The following TMEM117 variants were observed in gnomAD, a reference collection of about 807,000 sequenced individuals.
The protein encoded by TMEM117 is transmembrane protein 117.
TMEM117 carries 27 observed loss-of-function variants against 52.4 expected under a neutral mutation model. That is an observed-to-expected ratio of 0.51 (90% CI 0.38 to 0.71). The LOEUF (loss-of-function observed/expected upper bound fraction) is 0.71. TMEM117 is among the 30% of genes least tolerant of loss of function. TMEM117 has a pLI of 0.00. For synonymous variants in TMEM117, 215 were observed against 206.3 expected (o/e 1.04, Z -0.36); for missense variants, 556 against 630.5 (o/e 0.88, Z 1.26).
At chr12:44,159,005 G>T (rs1421959369) in intron 4 of TMEM117, among the ~76,000 whole-genome samples, 1 of 152,196 alleles carries the variant, frequency 6.6e-6, no homozygotes, top group Non-Finnish European at 1.5e-5. Flanking sequence ...AGAGACTGGG[G>T]TGATGCATGT....
At chr12:44,082,891 G>A (rs11182414) in intron 3 of TMEM117, among the ~76,000 whole-genome samples, 35 of 152,180 alleles carry the variant, frequency 2.3e-4, no homozygotes, top group East Asian at 5.8e-4. Flanking sequence ...ATATGTATAT[G>A]TGTGGGTGTA....
intron 5 of TMEM117, among the ~76,000 whole-genome samples, chr12:44,295,002 A>T (rs1451043171): frequency 6.6e-6 from 1 of 152,184 alleles, no homozygotes; most frequent in African/African-American, 2.4e-5. Context: ...TCAGAAAAAT[A>T]TTCTCTGGGT....
intron 5 of TMEM117, among the ~76,000 whole-genome samples, chr12:44,247,960 G>A (rs953438518): frequency 6.6e-6 from 1 of 152,208 alleles, no homozygotes; most frequent in Admixed American, 6.5e-5. Context: ...TAGCTTCCAT[G>A]TGGGGCTTGA....
At chr12:44,087,251 G>C (rs776316848) in intron 3 of TMEM117, among the ~76,000 whole-genome samples, 34 of 151,814 alleles carry the variant, frequency 2.2e-4, no homozygotes, top group Admixed American at 1.8e-3. Flanking sequence ...ATCAATATTC[G>C]TATTGCCCTA....
At chr12:43,838,064 GT>G (rs1267249146) in intron 1 of TMEM117, among the ~76,000 whole-genome samples, 1 of 151,890 alleles carries the variant, frequency 6.6e-6, no homozygotes, top group African/African-American at 2.4e-5. Context: ...AGCCCCTGTG[GT>G]CTTTTGTATT....
intron 3 of TMEM117, among the ~76,000 whole-genome samples, chr12:43,945,486 A>C (rs1159819265): frequency 6.6e-6 from 1 of 151,986 alleles, no homozygotes; most frequent in East Asian, 1.9e-4. Context: ...ACACCTGGCT[A>C]ATTTTTGTTA....
chr12:44,271,857 G>A (rs1292036888), intron 5 of TMEM117, among the ~76,000 whole-genome samples: 3 of 151,880 alleles, frequency 2.0e-5, no homozygotes, highest in Non-Finnish European at 4.4e-5. Flanking sequence ...GTTAATATAT[G>A]AAATATATAA....
chr12:44,270,453 G>T (rs564641260), intron 5 of TMEM117, among the ~76,000 whole-genome samples: 1 of 152,216 alleles, frequency 6.6e-6, no homozygotes, highest in East Asian at 1.9e-4. Flanking sequence ...ACTGATTTGT[G>T]TGCATTAATT....
At chr12:44,294,561 T>A (rs4544066) in intron 5 of TMEM117, among the ~76,000 whole-genome samples, 1 of 152,180 alleles carries the variant, frequency 6.6e-6, no homozygotes, top group African/African-American at 2.4e-5. Flanking sequence ...GCATACCATT[T>A]TTTTTCTTTC....
chr12:43,829,220 G>C, the TMEM117 span, among the ~76,000 whole-genome samples: 3 of 152,114 alleles, frequency 2.0e-5, no homozygotes, highest in Non-Finnish European at 2.9e-5. Context: ...GCAATTCTTA[G>C]GGATAGTTTT....
At position 43,863,447 on chromosome 12, in the gene TMEM117, G is replaced by A. The variant is rs563218995; in HGVS notation, c.277+18519G>A. The stretch of plus-strand genomic sequence containing the variant: ...ATGATCTGAATTAGATTTTTAGAGT[G>A]ACTCTTTGAAAAGATCAGACTATTA... On this transcript the variant is annotated intron_variant, in intron 2 of 7. Coordinates refer to ENST00000266534, the MANE Select transcript of TMEM117 (RefSeq NM_032256.3). Among the ~76,000 whole-genome samples, 3 of 152,268 alleles carry A rather than the reference G, an allele frequency of 2.0e-5. No homozygotes were observed. In the South Asian group the frequency reaches 6.2e-4, roughly 32 times the overall value.
At chr12:44,331,857 A>G (rs1278498568) in intron 6 of TMEM117, among the ~76,000 whole-genome samples, 1 of 152,054 alleles carries the variant, frequency 6.6e-6, no homozygotes, top group Non-Finnish European at 1.5e-5. Context: ...TCACAGCAGT[A>G]CTTTGTGACA....
intron 4 of TMEM117, among the ~76,000 whole-genome samples, chr12:44,210,063 C>G (rs941648830): frequency 2.6e-5 from 4 of 152,110 alleles, no homozygotes; most frequent in African/African-American, 9.7e-5. Context: ...GCTTTAAGCA[C>G]AAGAGAAAAA....
chr12:44,037,794 T>C (rs1592462303), intron 3 of TMEM117, among the ~76,000 whole-genome samples: 1 of 151,760 alleles, frequency 6.6e-6, no homozygotes, highest in Non-Finnish European at 1.5e-5. Context: ...TCTGCTGAGA[T>C]TTGGGCAGAC....
At chr12:44,288,976 T>G (rs1316033200) in intron 5 of TMEM117, among the ~76,000 whole-genome samples, 1 of 152,192 alleles carries the variant, frequency 6.6e-6, no homozygotes, top group Non-Finnish European at 1.5e-5. Flanking sequence ...ACCTATTCAC[T>G]TATAACTGAA....
chr12:44,045,644 A>T (rs1592469807), intron 3 of TMEM117, among the ~76,000 whole-genome samples: 1 of 152,060 alleles, frequency 6.6e-6, no homozygotes, highest in Non-Finnish European at 1.5e-5. Context: ...GGAGTTCAAG[A>T]CCAGCCTGGC....
the TMEM117 span, chr12:43,799,421 G>T: frequency 1.2e-6 from 2 of 1,609,010 alleles, no homozygotes; most frequent in Admixed American, 1.7e-5. Flanking sequence ...ATCTGTCGTA[G>T]TTCTTCCTCA....
At chr12:44,187,173 A>G (rs936788538) in intron 4 of TMEM117, among the ~76,000 whole-genome samples, 7 of 152,114 alleles carry the variant, frequency 4.6e-5, no homozygotes, top group Non-Finnish European at 1.5e-5. Flanking sequence ...CTTTTTCATT[A>G]TATCCAGACT....
At chr12:43,949,835 T>A (rs1031001817) in intron 3 of TMEM117, among the ~76,000 whole-genome samples, 4 of 152,064 alleles carry the variant, frequency 2.6e-5, no homozygotes, top group African/African-American at 9.7e-5. Flanking sequence ...GAAAAATATC[T>A]CCCGGGGAAC....
Sources: allele counts gnomAD v4.1 joint callset (sites outside exome capture counted in the v4.1 genomes callset), GRCh38; gene constraint gnomAD v4.1.1; transcripts MANE v1.5; gene names NCBI Gene and HGNC (gene_info 2026-07-23, HGNC 2026-07-21).